RDH10: variants seen among roughly 807,000 people sequenced by gnomAD.
RDH10 encodes the protein retinol dehydrogenase 10 (all-trans).
Under a neutral mutation model 30.2 loss-of-function variants are expected in RDH10, and 12 were observed. The observed-to-expected ratio is 0.40, with a 90% CI of 0.25 to 0.64. The LOEUF is 0.64. RDH10 is among the 30% of genes least tolerant of loss of function. The pLI, the probability that RDH10 is intolerant of heterozygous loss-of-function variation, is 0.43. For missense variants in RDH10, 268 were observed against 445.2 expected, an observed-to-expected ratio of 0.60 and a Z score of 3.58; for synonymous variants, 189 against 172.2, an observed-to-expected ratio of 1.10 and a Z score of -0.76.
At chr8:73,309,440 C>T (rs1814522463) in intron 2 of RDH10, among the ~76,000 whole-genome samples, 1 of 152,100 alleles carries the variant, frequency 6.6e-6, no homozygotes, top group Admixed American at 6.6e-5. Flanking sequence ...TTGGTGTCAT[C>T]TTCTATGACA....
At chr8:73,321,973 T>G in intron 4 of RDH10, 1 of 456,228 alleles carries the variant, frequency 2.2e-6, no homozygotes, top group Non-Finnish European at 4.4e-6. Context: ...TGTGTGTGTG[T>G]TGGTGGTTTG....
At chr8:73,298,211 C>T (rs1814310274) in intron 2 of RDH10, among the ~76,000 whole-genome samples, 1 of 152,208 alleles carries the variant, frequency 6.6e-6, no homozygotes, top group African/African-American at 2.4e-5. Flanking sequence ...TGCTGACCCA[C>T]TTTATGCTCT....
In RDH10 at chr8:73,324,016, T is replaced by A. The variant is rs1401043553; in HGVS notation, c.*980T>A. The A allele has an allele frequency of 6.5e-6, 1 of 152,672 alleles. No individual in the cohort carries two copies. The highest frequency in any genetic ancestry group is 1.5e-5 in the Non-Finnish European group (1 of 68,046). The allele number at this position is 152,672 out of a possible 1,614,324, so 9.5% of individuals were successfully genotyped here. Reference sequence around the variant, plus strand: ...CTGGAGACCTAATTATCCTAAAAGATCATACATTTTCTACCTATGAATTTT... The same window carrying A: ...CTGGAGACCTAATTATCCTAAAAGAACATACATTTTCTACCTATGAATTTT... On this transcript the variant is annotated 3_prime_UTR_variant, in exon 6 of 6. Transcript: ENST00000240285.
chr8:73,320,896 G>A, intron 3 of RDH10, 36 bp from the exon 4 acceptor site: 1 of 1,612,110 alleles, frequency 6.2e-7, no homozygotes, highest in South Asian at 1.1e-5. Flanking sequence ...AGGGGCATAT[G>A]CTTAGTATTT....
At chr8:73,297,877 G>C in intron 2 of RDH10, 1 of 199,776 alleles carries the variant, frequency 5.0e-6, no homozygotes. Flanking sequence ...GGAGTGCCCA[G>C]GCCACCCTGG....
At chr8:73,297,495 G>C in intron 2 of RDH10, 66 bp downstream of exon 2, 1 of 1,199,786 alleles carries the variant, frequency 8.3e-7, no homozygotes, top group South Asian at 1.2e-5. Context: ...GAAGGGGAGA[G>C]ACTTCAGTGC....
At position 73,306,180 on chromosome 8, in the gene RDH10, G is replaced by A. The variant is rs1814460785; in HGVS notation, c.525+8751G>A. The stretch of plus-strand genomic sequence containing the variant: ...ATTGTTCAGAGCCTAGGCTGACAGA[G>A]CATGGCCTTGGGATTCATTTGCCTT... On this transcript the variant is annotated intron_variant, in intron 2 of 5. Transcript: ENST00000240285. Among the ~76,000 whole-genome samples, 3 of 152,344 alleles carry A rather than the reference G, an allele frequency of 2.0e-5. No individual in the cohort carries two copies. The South Asian group carries it at 6.2e-4, about 32-fold the overall frequency.
At chr8:73,322,627 T>C in intron 4 of RDH10, 52 bp from the exon 5 acceptor site, 1 of 1,432,102 alleles carries the variant, frequency 7.0e-7, no homozygotes, top group Non-Finnish European at 9.7e-7. Flanking sequence ...GTATTTCCAG[T>C]CTTTTCTATT....
At chr8:73,322,222 T>C (rs1026522859) in intron 4 of RDH10, 3 of 336,820 alleles carry the variant, frequency 8.9e-6, no homozygotes, top group African/African-American at 6.5e-5. Context: ...ATACCTTAGC[T>C]TTCCCTCTTC....
chr8:73,321,194 T>C (rs1219993074), intron 4 of RDH10, 117 bp downstream of exon 4: 10 of 992,862 alleles, frequency 1.0e-5, no homozygotes, highest in Non-Finnish European at 1.3e-5. Context: ...GTGGCTTTTA[T>C]TGGTCAAGAT....
At chr8:73,304,819 T>C (rs1226746471) in intron 2 of RDH10, among the ~76,000 whole-genome samples, 4 of 152,240 alleles carry the variant, frequency 2.6e-5, no homozygotes, top group Non-Finnish European at 1.5e-5. Context: ...CAAAACATTT[T>C]CATGTTCACT....
intron 2 of RDH10, among the ~76,000 whole-genome samples, chr8:73,310,204 A>G (rs186269495): frequency 3.9e-5 from 6 of 152,302 alleles, no homozygotes; most frequent in Non-Finnish European, 8.8e-5. Context: ...TTGTTTTTTA[A>G]CAATGCCTAT....
At chr8:73,295,910 C>G (rs1297370998) in intron 1 of RDH10, 1 of 1,054,782 alleles carries the variant, frequency 9.5e-7, no homozygotes, top group Non-Finnish European at 1.2e-6. Context: ...ATGTCTTGCT[C>G]CGACTTACAA....
Position 73,294,892 on chromosome 8 carries a change from C to G in RDH10, c.-398C>G, listed in dbSNP as rs945534620. 3 of 393,732 alleles carry G rather than the reference C, an allele frequency of 7.6e-6. No individual in the cohort carries two copies. Among genetic ancestry groups the G allele is most frequent in the Non-Finnish European group, 1.3e-5 (3 of 222,786 alleles). The allele number at this position is 393,732 out of a possible 1,614,324, so 24.4% of individuals were successfully genotyped here. A position where few individuals can be genotyped will look rare whatever the true frequency, so the allele number is the denominator to read the frequency against. On this transcript the variant is annotated 5_prime_UTR_variant, in exon 1 of 6. Coordinates refer to ENST00000240285, the MANE Select transcript of RDH10 (RefSeq NM_172037.5). ...CCCCTCCCCCGGGGTGAGAGGGAGC[C>G]GGCGCGCCGGTTCCGGGGACGCTCG...
At chr8:73,308,440 C>G (rs1814500409) in intron 2 of RDH10, among the ~76,000 whole-genome samples, 1 of 152,180 alleles carries the variant, frequency 6.6e-6, no homozygotes, top group African/African-American at 2.4e-5. Context: ...GGTTTTCTCA[C>G]AGGCTTACCA....
At chr8:73,307,588 A>T (rs868233140) in intron 2 of RDH10, among the ~76,000 whole-genome samples, 2 of 152,220 alleles carry the variant, frequency 1.3e-5, no homozygotes, top group South Asian at 4.1e-4. Context: ...CCTCATGTTT[A>T]TGGATGAGGA....
At chr8:73,312,229 G>T (rs1563549944) in intron 2 of RDH10, 1 of 152,146 alleles carries the variant, frequency 6.6e-6, no homozygotes, top group Non-Finnish European at 1.5e-5. Flanking sequence ...TAGGAGGTAT[G>T]GTCCCCTGTG....
chr8:73,318,636 G>A (rs1814714934), intron 2 of RDH10, among the ~76,000 whole-genome samples: 1 of 152,230 alleles, frequency 6.6e-6, no homozygotes, highest in South Asian at 2.1e-4. Context: ...TCATTGATAG[G>A]TCTATTACTA....
At chr8:73,310,753 G>A (rs533602982) in intron 2 of RDH10, among the ~76,000 whole-genome samples, 3 of 152,204 alleles carry the variant, frequency 2.0e-5, no homozygotes, top group Non-Finnish European at 4.4e-5. Context: ...TGAGGCTGAA[G>A]GAGATCATCA....
Sources: allele counts gnomAD v4.1 joint callset (sites outside exome capture counted in the v4.1 genomes callset), GRCh38; gene constraint gnomAD v4.1.1; transcripts MANE v1.5; gene names NCBI Gene and HGNC (gene_info 2026-07-23, HGNC 2026-07-21).